The following MYOF variants were observed in gnomAD, a reference collection of about 807,000 sequenced individuals.
MYOF encodes myoferlin, also known as fer-1-like 3, myoferlin.
A neutral mutation model predicts 284.2 loss-of-function variants in MYOF; 244 were observed. The ratio of observed to expected loss-of-function variants is 0.86; its 90% CI spans 0.77 to 0.95. The LOEUF (loss-of-function observed/expected upper bound fraction) is 0.95, where lower values mean the gene tolerates loss of function less well. MYOF is among the 40% of genes least tolerant of loss of function. The pLI, the probability that MYOF is intolerant of heterozygous loss-of-function variation, is 0.00. For synonymous variants in MYOF, 904 were observed against 919.7 expected, an observed-to-expected ratio of 0.98 and a Z score of 0.31; for missense variants, 2,496 against 2,560.6, an observed-to-expected ratio of 0.97 and a Z score of 0.54.
chr10:93,320,582 G>A (rs1224999693), intron 48 of MYOF, among the ~76,000 whole-genome samples: 1 of 152,090 alleles, frequency 6.6e-6, no homozygotes, highest in African/African-American at 2.4e-5. Context: ...GCATATCTAT[G>A]AGCATTCATT....
intron 20 of MYOF, 102 bp downstream of exon 20, chr10:93,381,117 G>A: frequency 8.0e-7 from 1 of 1,256,644 alleles, no homozygotes. Context: ...ACTAACCATA[G>A]GCTGCGTAGA....
chr10:93,442,041 C>CACACACACACACAGACAG (rs57700900), intron 3 of MYOF, among the ~76,000 whole-genome samples: 1 of 142,628 alleles, frequency 7.0e-6, no homozygotes, highest in African/African-American at 2.6e-5. Context: ...CACACACACA[C>CACACACACACACAGACAG]AGAATAAACC....
intron 4 of MYOF, 83 bp downstream of exon 4, chr10:93,431,325 G>A (rs892266209): frequency 5.9e-6 from 7 of 1,181,884 alleles, no homozygotes; most frequent in Admixed American, 1.8e-5. Flanking sequence ...GAGCCACCAC[G>A]CCCGGCCTTA....
At chr10:93,353,668 A>G in intron 32 of MYOF, 143 bp downstream of exon 32, 1 of 585,588 alleles carries the variant, frequency 1.7e-6, no homozygotes. Context: ...ATGACTGAGC[A>G]GTTTGCTTCA....
intron 19 of MYOF, among the ~76,000 whole-genome samples, chr10:93,384,964 T>A (rs1171083559): frequency 6.6e-6 from 1 of 152,208 alleles, no homozygotes; most frequent in Non-Finnish European, 1.5e-5. Context: ...TGATACCTGA[T>A]GGAGCAGCTG....
chr10:93,397,533 TTA>T, intron 13 of MYOF, 77 bp from the exon 14 acceptor site: 1 of 1,053,100 alleles, frequency 9.5e-7, no homozygotes, highest in Non-Finnish European at 1.4e-6. Context: ...GCATACTAGA[TTA>T]TGACTTTAGC....
chr10:93,316,748 C>T lies in MYOF; in HGVS notation c.5664G>A (p.Trp1888Ter), dbSNP rs1842628791. Residue 1888 changes from tryptophan (W) to a stop codon, truncating the protein, a stop_gained, in exon 50 of 54, where the codon TGG (tryptophan) becomes TGA (stop). Transcript: ENST00000359263. LOFTEE classifies it high-confidence loss of function. Reference sequence around the variant, plus strand: ...CATCCAGAGAAAACTTGTCATTGTCCCATATCTGAATGATCAGCCTGGGTG... The same window carrying T: ...CATCCAGAGAAAACTTGTCATTGTCTCATATCTGAATGATCAGCCTGGGTG... ...RIPPRLIIQI[W>*]DNDKFSLDDY... 1 of 1,613,920 alleles carries T rather than the reference C, an allele frequency of 6.2e-7. No homozygotes were observed. The highest frequency in any genetic ancestry group is 8.5e-7 in the Non-Finnish European group (1 of 1,179,892).
intron 46 of MYOF, 191 bp from the exon 47 acceptor site, chr10:93,323,549 A>C: frequency 1.7e-6 from 1 of 574,356 alleles, no homozygotes; most frequent in South Asian, 2.5e-5. Context: ...CATTTAGGCC[A>C]CCCACTTTCC....
chr10:93,333,410 C>T lies in MYOF; in HGVS notation c.4720-98G>A, dbSNP rs1245869848. On this transcript the variant is annotated intron_variant, in intron 42 of 53. Coordinates refer to ENST00000359263, the MANE Select transcript of MYOF (RefSeq NM_013451.4). Reference sequence around the variant, plus strand: ...AGCTCGCCTCCACACCCACTCCCAGCTGATGACAAGGTGGCCGCCATGGCA... The same window carrying T: ...AGCTCGCCTCCACACCCACTCCCAGTTGATGACAAGGTGGCCGCCATGGCA... 3 of 1,036,510 alleles carry T rather than the reference C, an allele frequency of 2.9e-6. No individual in the cohort carries two copies. In the African/African-American group the frequency reaches 4.7e-5, roughly 16 times the overall value. 64.2% of individuals were successfully genotyped at this position (1,036,510 alleles called of 1,614,324 possible). A position where few individuals can be genotyped will look rare whatever the true frequency, so the allele number is the denominator to read the frequency against.
chr10:93,421,095 G>A (rs1247848133), intron 5 of MYOF, among the ~76,000 whole-genome samples: 1 of 152,168 alleles, frequency 6.6e-6, no homozygotes, highest in African/African-American at 2.4e-5. Flanking sequence ...GCACATGCCT[G>A]TAATACCAGC....
Position 93,387,968 on chromosome 10 carries a change from CT to C in MYOF, c.1582-56del, listed in dbSNP as rs954222937. ...CTAGGCAGCAACAGCAAAAAGAATTCTGTGTCTCTAGTCAGGCTAATACAAC... is the reference window on the plus strand; with the variant it reads ...CTAGGCAGCAACAGCAAAAAGAATTCGTGTCTCTAGTCAGGCTAATACAAC... On this transcript the variant is annotated intron_variant, in intron 18 of 53. Transcript: ENST00000359263. 2.2e-6 allele frequency: 3 copies of C among 1,394,774 alleles called. No homozygotes were observed. The African/African-American group carries it at 4.2e-5, about 20-fold the overall frequency. The allele number at this position is 1,394,774 out of a possible 1,614,324, so 86.4% of individuals were successfully genotyped here. A position where few individuals can be genotyped will look rare whatever the true frequency, so the allele number is the denominator to read the frequency against.
chr10:93,358,092 T>C (rs1356153737), intron 29 of MYOF, among the ~76,000 whole-genome samples: 1 of 152,092 alleles, frequency 6.6e-6, no homozygotes, highest in Non-Finnish European at 1.5e-5. Flanking sequence ...ACAAGCAATT[T>C]AAGCAAATTT....
At chr10:93,342,890 G>A (rs1843986970) in intron 38 of MYOF, among the ~76,000 whole-genome samples, 1 of 152,234 alleles carries the variant, frequency 6.6e-6, no homozygotes. Flanking sequence ...AGTGATCACA[G>A]TAGTTTTGGC....
chr10:93,452,133 C>T lies in MYOF; in HGVS notation c.153G>A (p.Glu51=), dbSNP rs1194882299. The T allele has an allele frequency of 1.2e-6, 2 of 1,603,538 alleles. No individual in the cohort carries two copies. Among genetic ancestry groups the T allele is most frequent in the African/African-American group, 2.7e-5 (2 of 74,008 alleles). The change falls in exon 3 of 54, where the codon GAG becomes GAA. Residue 51 remains glutamate, a synonymous_variant. Coordinates refer to ENST00000359263, the MANE Select transcript of MYOF (RefSeq NM_013451.4). The part of the protein sequence containing the change: ...ELNPVWNEIL[E]FDLRGIPLDF... ...CCAGTGGTATACCCCTCAAGTCAAA[C>T]TCCAAAATCTGTTCACAGAAAGGTT...
chr10:93,373,965 C>T lies in MYOF; in HGVS notation c.2301+798G>A, dbSNP rs371980193. Among the ~76,000 whole-genome samples, 29 of 152,312 alleles carry T rather than the reference C, an allele frequency of 1.9e-4. No homozygotes were observed. In the East Asian group the frequency reaches 5.4e-3, roughly 28 times the overall value. ...CATGTTGGTTTGCTGCACCCATCAA[C>T]TCATCATTTACGTTAGGTATTTCTC... On this transcript the variant is annotated intron_variant, in intron 23 of 53. Coordinates refer to ENST00000359263, the MANE Select transcript of MYOF (RefSeq NM_013451.4).
intron 3 of MYOF, among the ~76,000 whole-genome samples, chr10:93,446,050 AC>A (rs2056418283): frequency 3.9e-5 from 6 of 152,176 alleles, no homozygotes; most frequent in Admixed American, 3.9e-4. Context: ...AGGTAATCTG[AC>A]CAAGGTGTGT....
At chr10:93,465,598 T>G (rs2056992304) in intron 1 of MYOF, among the ~76,000 whole-genome samples, 1 of 136,644 alleles carries the variant, frequency 7.3e-6, no homozygotes, top group African/African-American at 2.7e-5. Context: ...CACTGCAACC[T>G]CCACCTCCTG....
chr10:93,436,140 G>A (rs943222600), intron 3 of MYOF, among the ~76,000 whole-genome samples: 2 of 152,052 alleles, frequency 1.3e-5, no homozygotes, highest in African/African-American at 4.8e-5. Context: ...AATGCAACTC[G>A]TGCTATGTAA....
intron 16 of MYOF, among the ~76,000 whole-genome samples, chr10:93,395,105 AT>A (rs1846937698): frequency 1.3e-5 from 2 of 152,108 alleles, no homozygotes; most frequent in Admixed American, 1.3e-4. Context: ...CTCTCAATAT[AT>A]TTAATCTATT....
Sources: gnomAD v4.1 joint callset for allele counts (sites outside exome capture counted in the v4.1 genomes callset) on GRCh38, gnomAD v4.1.1 for gene constraint, MANE v1.5 for transcripts, NCBI Gene and HGNC (gene_info 2026-07-23, HGNC 2026-07-21) for gene names.